Variants in ANK3 observed in about 807,000 individuals in gnomAD.
ANK3 encodes ankyrin 3.
A neutral mutation model predicts 370.9 loss-of-function variants in ANK3; 57 were observed. The ratio of observed to expected loss-of-function variants is 0.15; its 90% confidence interval spans 0.12 to 0.19. ANK3 has a LOEUF of 0.19. Among genes scored for constraint, ANK3 ranks in the 10% least tolerant of loss-of-function variants. ANK3 has a pLI of 1.00. For synonymous variants in ANK3, 1,929 were observed against 1,946.3 expected, an observed-to-expected ratio of 0.99 and a Z score of 0.23; for missense variants, 4,439 against 5,302.1, an observed-to-expected ratio of 0.84 and a Z score of 5.06.
intron 1 of ANK3, among the ~76,000 whole-genome samples, chr10:60,326,389 A>T (rs1216730387): frequency 6.6e-6 from 1 of 152,192 alleles, no homozygotes; most frequent in Non-Finnish European, 1.5e-5. Flanking sequence ...TCAAGGGGGA[A>T]GTTCTGATGA....
chr10:60,190,509 C>T (rs913484907), intron 16 of ANK3, among the ~76,000 whole-genome samples: 2 of 152,184 alleles, frequency 1.3e-5, no homozygotes, highest in Non-Finnish European at 2.9e-5. Context: ...GTGCTTAGCA[C>T]TATTTCTCAA....
chr10:60,521,495 G>A (rs948692793), intron 2 of ANK3, among the ~76,000 whole-genome samples: 3 of 152,038 alleles, frequency 2.0e-5, no homozygotes, highest in African/African-American at 7.2e-5. Context: ...GCAATGGTTA[G>A]TATCTGAGCA....
chr10:60,254,956 C>T (rs1385897587), intron 7 of ANK3, among the ~76,000 whole-genome samples: 1 of 152,120 alleles, frequency 6.6e-6, no homozygotes, highest in East Asian at 1.9e-4. Flanking sequence ...CTGGGCTATA[C>T]TCCAGGGATT....
rs2087194039 is a variant in ANK3 at position 60,088,207 on chromosome 10, G to C, written c.3480C>G (p.Pro1160=). 6.2e-7 allele frequency: 1 copy of C among 1,614,158 alleles called. No individual in the cohort carries two copies. The highest frequency in any genetic ancestry group is 8.5e-7 in the Non-Finnish European group (1 of 1,180,020). Residue 1160 remains proline, a synonymous_variant, in exon 29 of 44, where the codon CCC becomes CCG. Transcript: ENST00000280772. ...EGGILSSTTV[P]LVQASFPEGA... ...CCTCTGGGAAAGATGCTTGAACAAG[G>C]GGCACTGTGGTGCTGCTCAGAATTC...
chr10:60,062,090 ACCC>A (rs2080641995), intron 40 of ANK3: 1 of 151,894 alleles, frequency 6.6e-6, no homozygotes, highest in Admixed American at 6.6e-5. Context: ...ACGTGGTGAA[ACCC>A]CCATCTTTAC....
chr10:60,630,171 T>C (rs977147277), intron 1 of ANK3, among the ~76,000 whole-genome samples: 3 of 152,152 alleles, frequency 2.0e-5, no homozygotes, highest in Admixed American at 2.0e-4. Flanking sequence ...TCAAAGGGCA[T>C]GATATCTCCC....
At chr10:60,229,676 C>A (rs1468874890) in intron 8 of ANK3, among the ~76,000 whole-genome samples, 1 of 152,126 alleles carries the variant, frequency 6.6e-6, no homozygotes, top group Admixed American at 6.5e-5. Context: ...TGTACATAAA[C>A]CGGATGCCAT....
rs562861175 is a variant in ANK3, at chr10:60,502,137, G to A, written c.96+113049C>T. On this transcript the variant is annotated intron_variant, in intron 2 of 43. Transcript: ENST00000373827. Reference sequence around the variant, plus strand: ...ACCAGCTAGAAAAGTTTTAGCTCAGGTGACAAAGCTGTCTGAAGCCTCAAG... The same window carrying A: ...ACCAGCTAGAAAAGTTTTAGCTCAGATGACAAAGCTGTCTGAAGCCTCAAG... 9.9e-5 allele frequency among the ~76,000 whole-genome samples: 15 copies of A among 152,270 alleles called. No individual in the cohort carries two copies. In the East Asian group the frequency reaches 2.1e-3, roughly 22 times the overall value.
chr10:60,302,605 T>C (rs932729292), intron 1 of ANK3, among the ~76,000 whole-genome samples: 2 of 152,146 alleles, frequency 1.3e-5, no homozygotes, highest in African/African-American at 4.8e-5. Flanking sequence ...AACCAGTAAA[T>C]AGGCAGTATT....
intron 1 of ANK3, among the ~76,000 whole-genome samples, chr10:60,309,312 T>C (rs963583792): frequency 2.0e-5 from 3 of 152,228 alleles, no homozygotes; most frequent in African/African-American, 7.2e-5. Context: ...TTATTTCATA[T>C]GTTCTTGAAT....
chr10:60,104,448 A>T (rs185696556), intron 28 of ANK3, among the ~76,000 whole-genome samples: 1 of 146,490 alleles, frequency 6.8e-6, no homozygotes, highest in East Asian at 2.0e-4. Flanking sequence ...CTACATTTGG[A>T]CCCCAGCCTT....
At chr10:60,494,261 T>C (rs1033452398) in intron 2 of ANK3, among the ~76,000 whole-genome samples, 2 of 152,102 alleles carry the variant, frequency 1.3e-5, no homozygotes, top group Non-Finnish European at 2.9e-5. Flanking sequence ...GTATCCACAC[T>C]AGAGATGGAA....
chr10:60,409,201 C>G (rs919218770), intron 2 of ANK3, among the ~76,000 whole-genome samples: 3 of 152,170 alleles, frequency 2.0e-5, no homozygotes, highest in Non-Finnish European at 4.4e-5. Context: ...CTTCATGCCA[C>G]GTATTATCAT....
intron 1 of ANK3, chr10:60,684,375 T>TGA (rs1198918731): frequency 1.9e-6 from 1 of 518,900 alleles, no homozygotes; most frequent in African/African-American, 2.0e-5. Flanking sequence ...CCCCAGCGGC[T>TGA]GAGAGAGACG....
rs140647520 is a variant in ANK3, at chr10:60,128,671, G to A, written c.2841+5600C>T. ...GCTGGGATTACAGGTGTGAGCCACC[G>A]TGCCTGGACTCTTCATCTTTTTAAT... On this transcript the variant is annotated intron_variant, in intron 25 of 43. Transcript: ENST00000280772. Among the ~76,000 whole-genome samples the A allele has an allele frequency of 9.9e-3, 1,511 of 152,194 alleles. 25 individuals carry two copies. The highest frequency in any genetic ancestry group is 0.035 in the African/African-American group (1,439 of 41,534).
intron 23 of ANK3, among the ~76,000 whole-genome samples, chr10:60,142,455 G>A (rs1012509963): frequency 2.6e-5 from 4 of 152,034 alleles, no homozygotes; most frequent in Non-Finnish European, 5.9e-5. Context: ...CCTGGGCCAG[G>A]TATATTGGAA....
intron 36 of ANK3, among the ~76,000 whole-genome samples, chr10:60,078,017 A>G (rs988060107): frequency 6.6e-6 from 1 of 152,204 alleles, no homozygotes; most frequent in African/African-American, 2.4e-5. Context: ...AAACAAACCA[A>G]ACTGGTCAGA....
chr10:60,335,147 C>T (rs2052504461), intron 1 of ANK3, among the ~76,000 whole-genome samples: 1 of 151,950 alleles, frequency 6.6e-6, no homozygotes, highest in Non-Finnish European at 1.5e-5. Flanking sequence ...GATTACAATC[C>T]ACGGTATGGA....
At position 60,075,770 on chromosome 10, in the gene ANK3, A is replaced by T; in HGVS notation, c.5111T>A (p.Val1704Glu). The change falls in exon 37 of 44, where the codon GTG (valine) becomes GAG (glutamate). Residue 1704 changes from valine to glutamate, a missense_variant. Around this residue, in one of 13 missense-constraint regions of ANK3, gnomAD observed 679 missense variants for 791.0 expected, o/e 0.86. Coordinates refer to ENST00000280772, the MANE Select transcript of ANK3 (RefSeq NM_020987.5). Reference sequence around the variant, plus strand: ...CTCTGCATGTCCAGGCATCTGCTTCACAGGTGATGAGAGAGAAGATGCCAT... The same window carrying T: ...CTCTGCATGTCCAGGCATCTGCTTCTCAGGTGATGAGAGAGAAGATGCCAT... ...ITMASSLSSP[V>E]KQMPGHAEVA... The T allele has an allele frequency of 1.2e-6, 2 of 1,614,162 alleles. No individual in the cohort carries two copies. Among genetic ancestry groups the T allele is most frequent in the Non-Finnish European group, 1.7e-6 (2 of 1,180,010 alleles).
Sources: allele counts gnomAD v4.1 joint callset (sites outside exome capture counted in the v4.1 genomes callset), GRCh38; gene constraint gnomAD v4.1.1; regional missense constraint gnomAD v4.1.1; transcripts MANE v1.5; gene names NCBI Gene and HGNC (gene_info 2026-07-23, HGNC 2026-07-21).